TRHDE: variants seen among roughly 807,000 people sequenced by gnomAD.
The protein encoded by TRHDE is thyrotropin-releasing hormone-degrading ectoenzyme.
Under a neutral mutation model 125.7 loss-of-function variants are expected in TRHDE, and 72 were observed. That is an observed-to-expected ratio of 0.57 (90% CI 0.47 to 0.70). TRHDE has a LOEUF of 0.70. Ranked by LOEUF, TRHDE falls within the 30% of genes least tolerant of loss-of-function variation. The probability of loss-of-function intolerance (pLI) is 0.00; values close to 1 mark genes in which losing one functional copy is unlikely to be tolerated. For missense variants in TRHDE, 1,110 were observed against 1,327.1 expected, an observed-to-expected ratio of 0.84 and a Z score of 2.54; for synonymous variants, 509 against 509.1, an observed-to-expected ratio of 1.00 and a Z score of 0.00.
intron 2 of TRHDE, among the ~76,000 whole-genome samples, chr12:72,166,907 C>CGTGTGTGTGTGT (rs59590935): frequency 3.3e-4 from 46 of 139,330 alleles, no homozygotes; most frequent in African/African-American, 6.5e-4. Flanking sequence ...GGTAGATGAA[C>CGTGTGTGTGTGT]GTGTGTGTGT....
In TRHDE at chr12:72,370,235, G is replaced by A. The variant is rs193019789; in HGVS notation, c.1189-7760G>A. ...GTAACTAAAGGACATGTTCAACAGA[G>A]GGTTAGGACTGATTGAATAAATCCA... On this transcript the variant is annotated intron_variant, in intron 2 of 18. Coordinates refer to ENST00000261180, the MANE Select transcript of TRHDE (RefSeq NM_013381.3). Among the ~76,000 whole-genome samples the A allele has an allele frequency of 4.8e-4, 73 of 152,226 alleles. 1 individual carries two copies. Among genetic ancestry groups the A allele is most frequent in the Non-Finnish European group, 8.7e-4 (59 of 68,012 alleles).
chr12:72,400,876 T>A (rs1490725547), intron 3 of TRHDE, among the ~76,000 whole-genome samples: 1 of 152,162 alleles, frequency 6.6e-6, no homozygotes, highest in Non-Finnish European at 1.5e-5. Context: ...CTTTCAATTA[T>A]AAAAGAAGAA....
At chr12:72,490,676 T>G (rs1877628115) in intron 5 of TRHDE, among the ~76,000 whole-genome samples, 1 of 151,142 alleles carries the variant, frequency 6.6e-6, no homozygotes, top group African/African-American at 2.4e-5. Flanking sequence ...CATGGATATG[T>G]CTGGGACAAA....
At chr12:72,580,930 A>C (rs1275892676) in intron 12 of TRHDE, among the ~76,000 whole-genome samples, 2 of 152,220 alleles carry the variant, frequency 1.3e-5, no homozygotes, top group Non-Finnish European at 2.9e-5. Context: ...TTAAGGAGTA[A>C]AGAATTAGTG....
At chr12:72,576,215 G>A (rs1415952647) in intron 12 of TRHDE, among the ~76,000 whole-genome samples, 1 of 152,032 alleles carries the variant, frequency 6.6e-6, no homozygotes, top group Non-Finnish European at 1.5e-5. Context: ...TCACAGCCAA[G>A]TACAGTTTTA....
intron 2 of TRHDE, among the ~76,000 whole-genome samples, chr12:72,118,325 C>T (rs1489184058): frequency 6.6e-6 from 1 of 151,808 alleles, no homozygotes; most frequent in Non-Finnish European, 1.5e-5. Flanking sequence ...TAGTTTTTGT[C>T]CTTCATTCTG....
At chr12:72,125,867 G>A (rs1875701079) in intron 2 of TRHDE, among the ~76,000 whole-genome samples, 1 of 152,160 alleles carries the variant, frequency 6.6e-6, no homozygotes, top group Non-Finnish European at 1.5e-5. Context: ...CAGAACATGG[G>A]GAACCCAGGA....
At chr12:72,408,242 A>G (rs533379259) in intron 3 of TRHDE, among the ~76,000 whole-genome samples, 4 of 152,298 alleles carry the variant, frequency 2.6e-5, no homozygotes, top group Non-Finnish European at 5.9e-5. Context: ...TAATTCATTC[A>G]TAAGGAAAGA....
chr12:72,395,395 A>C (rs1872750326), intron 3 of TRHDE, among the ~76,000 whole-genome samples: 1 of 152,058 alleles, frequency 6.6e-6, no homozygotes, highest in African/African-American at 2.4e-5. Flanking sequence ...TGTCATTTCC[A>C]ATAACTGTAT....
At chr12:72,129,573 G>A (rs1875813517) in intron 2 of TRHDE, among the ~76,000 whole-genome samples, 3 of 152,196 alleles carry the variant, frequency 2.0e-5, no homozygotes, top group Non-Finnish European at 4.4e-5. Context: ...TTTGCCAAAA[G>A]CCTTTGTATG....
chr12:72,342,962 G>A (rs920942486), intron 2 of TRHDE, among the ~76,000 whole-genome samples: 2 of 152,204 alleles, frequency 1.3e-5, no homozygotes, highest in Non-Finnish European at 2.9e-5. Flanking sequence ...TAATTCTAAC[G>A]TCCTATGAGG....
chr12:72,424,863 T>C (rs1308853991), intron 3 of TRHDE, among the ~76,000 whole-genome samples: 1 of 152,158 alleles, frequency 6.6e-6, no homozygotes, highest in South Asian at 2.1e-4. Context: ...GAATGCTAAA[T>C]TCTCATCTAG....
chr12:72,407,616 A>G (rs866857013), intron 3 of TRHDE, among the ~76,000 whole-genome samples: 57 of 152,384 alleles, frequency 3.7e-4, no homozygotes, highest in African/African-American at 1.3e-3. Context: ...ATTTAAAAAT[A>G]TAGTAAAGAT....
At chr12:72,402,337 A>G (rs1166954669) in intron 3 of TRHDE, among the ~76,000 whole-genome samples, 2 of 152,188 alleles carry the variant, frequency 1.3e-5, no homozygotes, top group African/African-American at 2.4e-5. Flanking sequence ...GTTGGGCCAC[A>G]TTCAAAGCCA....
At chr12:72,657,448 G>A (rs530895804) in intron 18 of TRHDE, among the ~76,000 whole-genome samples, 1 of 152,260 alleles carries the variant, frequency 6.6e-6, no homozygotes, top group African/African-American at 2.4e-5. Flanking sequence ...CGGACATACT[G>A]TACATAATAA....
At chr12:72,512,516 T>A (rs980264504) in intron 6 of TRHDE, among the ~76,000 whole-genome samples, 1 of 137,624 alleles carries the variant, frequency 7.3e-6, no homozygotes, top group South Asian at 2.1e-4. Flanking sequence ...ATAATTATAT[T>A]ATATATAATA....
At chr12:72,520,849 A>G (rs964944183) in intron 6 of TRHDE, among the ~76,000 whole-genome samples, 9 of 152,228 alleles carry the variant, frequency 5.9e-5, no homozygotes, top group African/African-American at 2.2e-4. Flanking sequence ...TACCGTATTA[A>G]AAGCTTGAAT....
intron 1 of TRHDE, among the ~76,000 whole-genome samples, chr12:72,090,730 CAA>C (rs1246917645): frequency 6.6e-6 from 1 of 151,998 alleles, no homozygotes; most frequent in Non-Finnish European, 1.5e-5. Context: ...TTATTATAGA[CAA>C]TGATAAAATG....
intron 2 of TRHDE, among the ~76,000 whole-genome samples, chr12:72,183,129 T>G (rs1356329446): frequency 6.6e-6 from 1 of 152,198 alleles, no homozygotes; most frequent in Non-Finnish European, 1.5e-5. Context: ...CTTCTATTAC[T>G]TAACTTGGAT....
Sources: allele counts gnomAD v4.1 joint callset (sites outside exome capture counted in the v4.1 genomes callset), GRCh38; gene constraint gnomAD v4.1.1; transcripts MANE v1.5; gene names NCBI Gene and HGNC (gene_info 2026-07-23, HGNC 2026-07-21).